Variants in LRRC4C observed in about 807,000 individuals in gnomAD.
LRRC4C encodes leucine-rich repeat-containing protein 4C.
In LRRC4C, 5 loss-of-function variants were observed where a neutral mutation model predicts 33.6. The observed-to-expected ratio is 0.15, with a 90% CI of 0.08 to 0.31. LRRC4C has a LOEUF of 0.31. Ranked by LOEUF, LRRC4C falls within the 10% of genes least tolerant of loss-of-function variation. The pLI is 1.00. For missense variants in LRRC4C, 560 were observed against 796.7 expected, an observed-to-expected ratio of 0.70 and a Z score of 3.58; for synonymous variants, 329 against 302.0, an observed-to-expected ratio of 1.09 and a Z score of -0.93.
chr11:41,166,151 G>A (rs543906069), intron 1 of LRRC4C, among the ~76,000 whole-genome samples: 1 of 151,526 alleles, frequency 6.6e-6, no homozygotes, highest in Admixed American at 6.6e-5. Context: ...CATAATGATA[G>A]TCTTTACTAA....
At chr11:40,364,362 T>A (rs1948111298) in intron 3 of LRRC4C, among the ~76,000 whole-genome samples, 1 of 152,058 alleles carries the variant, frequency 6.6e-6, no homozygotes, top group Non-Finnish European at 1.5e-5. Context: ...ATGAAAAGCA[T>A]AAACATGTTA....
At chr11:40,932,697 C>T (rs1957678866) in intron 2 of LRRC4C, among the ~76,000 whole-genome samples, 1 of 152,106 alleles carries the variant, frequency 6.6e-6, no homozygotes, top group Non-Finnish European at 1.5e-5. Flanking sequence ...AAATTCGGTG[C>T]TGTGCACATC....
intron 5 of LRRC4C, among the ~76,000 whole-genome samples, chr11:40,160,663 C>A (rs542328455): frequency 6.6e-6 from 1 of 152,034 alleles, no homozygotes; most frequent in African/African-American, 2.4e-5. Context: ...TATAGACGAG[C>A]GAAAGGGCAG....
chr11:41,400,621 T>C (rs944769097), intron 1 of LRRC4C, among the ~76,000 whole-genome samples: 39 of 152,006 alleles, frequency 2.6e-4, no homozygotes, highest in African/African-American at 8.7e-4. Flanking sequence ...AATGCCAATG[T>C]ACAAAATCTC....
At chr11:40,897,338 G>A (rs1955990855) in intron 2 of LRRC4C, among the ~76,000 whole-genome samples, 1 of 152,100 alleles carries the variant, frequency 6.6e-6, no homozygotes, top group Non-Finnish European at 1.5e-5. Context: ...ATAGGGGATG[G>A]TTTCCCTGGA....
intron 1 of LRRC4C, among the ~76,000 whole-genome samples, chr11:41,221,648 C>G (rs1378150577): frequency 1.3e-5 from 2 of 152,054 alleles, no homozygotes; most frequent in South Asian, 4.1e-4. Flanking sequence ...ATGGAATCAA[C>G]CTAAATGCCC....
At chr11:40,447,614 A>G (rs1951697322) in intron 3 of LRRC4C, among the ~76,000 whole-genome samples, 1 of 152,220 alleles carries the variant, frequency 6.6e-6, no homozygotes, top group African/African-American at 2.4e-5. Context: ...TACAAAGGTA[A>G]GACTCAAGAA....
chr11:41,360,277 G>A (rs1175045886), intron 1 of LRRC4C, among the ~76,000 whole-genome samples: 1 of 152,146 alleles, frequency 6.6e-6, no homozygotes, highest in African/African-American at 2.4e-5. Flanking sequence ...TTAGCATGGT[G>A]TACACTGAGC....
intron 3 of LRRC4C, among the ~76,000 whole-genome samples, chr11:40,561,610 C>T (rs1038175099): frequency 9.2e-5 from 14 of 151,582 alleles, no homozygotes; most frequent in Admixed American, 6.6e-5. Context: ...GACGGGGTTT[C>T]GTCGTGTTAG....
chr11:40,655,463 G>T (rs1055850756), intron 2 of LRRC4C, among the ~76,000 whole-genome samples: 3 of 152,038 alleles, frequency 2.0e-5, no homozygotes, highest in African/African-American at 7.2e-5. Flanking sequence ...TTAAGTCTAT[G>T]GGCTCTGTTC....
chr11:40,309,329 G>T (rs1305372653), intron 4 of LRRC4C, among the ~76,000 whole-genome samples: 2 of 151,968 alleles, frequency 1.3e-5, no homozygotes, highest in East Asian at 3.9e-4. Context: ...TGTGTGTCTG[G>T]CTTCTCTCAC....
chr11:40,300,903 G>T (rs1354451709), intron 4 of LRRC4C, among the ~76,000 whole-genome samples: 4 of 152,172 alleles, frequency 2.6e-5, no homozygotes, highest in African/African-American at 9.7e-5. Flanking sequence ...CCGGGCTCAA[G>T]CGATTCTCTC....
At chr11:40,549,929 G>A (rs1185176712) in intron 3 of LRRC4C, among the ~76,000 whole-genome samples, 2 of 152,040 alleles carry the variant, frequency 1.3e-5, no homozygotes, top group South Asian at 2.1e-4. Flanking sequence ...TCTCATTAAT[G>A]TTGAAATATG....
intron 3 of LRRC4C, among the ~76,000 whole-genome samples, chr11:40,360,527 C>A (rs1446526544): frequency 6.6e-6 from 1 of 152,098 alleles, no homozygotes; most frequent in Non-Finnish European, 1.5e-5. Context: ...TGAATAGGGA[C>A]CTCAGAGGGT....
intron 2 of LRRC4C, among the ~76,000 whole-genome samples, chr11:40,657,399 C>A (rs545873170): frequency 9.0e-4 from 137 of 152,304 alleles, no homozygotes; most frequent in African/African-American, 3.2e-3. Context: ...CTCTGTAGGG[C>A]ATGAAAGGAA....
rs532322616 is a variant in LRRC4C at position 41,133,196 on chromosome 11, C to A, written c.-495-199473G>T. Among the ~76,000 whole-genome samples, 8 of 152,178 alleles carry A rather than the reference C, an allele frequency of 5.3e-5. No homozygotes were observed. The East Asian group carries it at 1.5e-3, about 29-fold the overall frequency. ...CCTGGGCCAAAGAATGTGAAGGTTT[C>A]CAGAGATTAAGGCCATCTCCATGGC... On this transcript the variant is annotated intron_variant, in intron 1 of 6. Transcript: ENST00000528697.
At chr11:41,069,751 T>G (rs1938539625) in intron 1 of LRRC4C, among the ~76,000 whole-genome samples, 1 of 151,980 alleles carries the variant, frequency 6.6e-6, no homozygotes, top group Non-Finnish European at 1.5e-5. Context: ...AAACCACTGC[T>G]CAAGGAAATA....
intron 1 of LRRC4C, among the ~76,000 whole-genome samples, chr11:41,071,154 GAA>G (rs1938647789): frequency 6.6e-6 from 1 of 152,040 alleles, no homozygotes; most frequent in Non-Finnish European, 1.5e-5. Context: ...CAGAGTAACA[GAA>G]AACCAAACAC....
intron 2 of LRRC4C, among the ~76,000 whole-genome samples, chr11:40,809,930 G>T (rs1225475400): frequency 6.6e-6 from 1 of 152,066 alleles, no homozygotes. Flanking sequence ...CAAAAATAAT[G>T]GTTTGAAGTC....
Sources: allele counts gnomAD v4.1 joint callset (sites outside exome capture counted in the v4.1 genomes callset), GRCh38; gene constraint gnomAD v4.1.1; transcripts MANE v1.5; gene names NCBI Gene and HGNC (gene_info 2026-07-23, HGNC 2026-07-21).